The following PRICKLE2 variants were observed in gnomAD, a reference collection of about 807,000 sequenced individuals.
PRICKLE2 encodes the protein prickle planar cell polarity protein 2.
A neutral mutation model predicts 81.4 loss-of-function variants in PRICKLE2; 21 were observed. The ratio of observed to expected loss-of-function variants is 0.26; its 90% CI spans 0.18 to 0.37. PRICKLE2 has a LOEUF of 0.37. Among genes scored for constraint, PRICKLE2 ranks in the 10% least tolerant of loss-of-function variants. The pLI, the probability that PRICKLE2 is intolerant of heterozygous loss-of-function variation, is 1.00. For missense variants in PRICKLE2, 940 were observed against 1,109.0 expected (o/e 0.85, Z 2.16); for synonymous variants, 456 against 421.5 (o/e 1.08, Z -1.00).
At chr3:64,214,268 C>T (rs2078837434) in intron 1 of PRICKLE2, among the ~76,000 whole-genome samples, 1 of 152,170 alleles carries the variant, frequency 6.6e-6, no homozygotes, top group Non-Finnish European at 1.5e-5. Flanking sequence ...CCATGTTGCT[C>T]AGCAAAGGAG....
chr3:64,124,977 A>C (rs931088271), intron 7 of PRICKLE2, among the ~76,000 whole-genome samples: 1 of 152,198 alleles, frequency 6.6e-6, no homozygotes, highest in Non-Finnish European at 1.5e-5. Context: ...ATCTGGGCAA[A>C]ATAAACTGAA....
Position 64,225,409 on chromosome 3 carries a change from A to G in PRICKLE2, c.-540T>C. 1.0e-6 allele frequency: 1 copy of G among 985,388 alleles called. No individual in the cohort carries two copies. The highest frequency in any genetic ancestry group is 1.2e-6 in the Non-Finnish European group (1 of 829,974). 61.0% of individuals were successfully genotyped at this position (985,388 alleles called of 1,614,324 possible). Reference sequence around the variant, plus strand: ...CCAGGAAATGTGCTGCTTGGTCAAAAAATAATAATAACTCTCGGTGGCGCT... The same window carrying G: ...CCAGGAAATGTGCTGCTTGGTCAAAGAATAATAATAACTCTCGGTGGCGCT... On this transcript the variant is annotated 5_prime_UTR_variant, in exon 1 of 8. Coordinates refer to ENST00000638394, the MANE Select transcript of PRICKLE2 (RefSeq NM_198859.4).
Position 64,141,848 on chromosome 3 carries a change from T to C in PRICKLE2, c.1660+4982A>G, listed in dbSNP as rs2077367333. On this transcript the variant is annotated intron_variant, in intron 7 of 7. Coordinates refer to ENST00000638394, the MANE Select transcript of PRICKLE2 (RefSeq NM_198859.4). ...ATTCAATAACATAAGTTACTGACCA[T>C]GGAAGAAAAAAGAATCCATCATCTT... 4 of 985,072 alleles carry C rather than the reference T, an allele frequency of 4.1e-6. No homozygotes were observed. In the Admixed American group the frequency reaches 1.8e-4, roughly 45 times the overall value. The allele number at this position is 985,072 out of a possible 1,614,324, so 61.0% of individuals were successfully genotyped here.
intron 5 of PRICKLE2, 123 bp downstream of exon 5, chr3:64,157,039 G>A (rs1277903341): frequency 3.3e-6 from 3 of 900,018 alleles, no homozygotes; most frequent in Non-Finnish European, 5.5e-6. Context: ...TCCCAAAAGG[G>A]TTAATGCAAG....
intron 2 of PRICKLE2, among the ~76,000 whole-genome samples, chr3:64,176,925 T>C (rs1459935763): frequency 1.3e-5 from 2 of 152,106 alleles, no homozygotes; most frequent in Non-Finnish European, 1.5e-5. Context: ...GGTTATAGTT[T>C]GCGTATAGCC....
Position 64,163,059 on chromosome 3 carries a change from C to T in PRICKLE2, c.215G>A (p.Arg72Gln), listed in dbSNP as rs1559550002. 2 of 1,614,054 alleles carry T rather than the reference C, an allele frequency of 1.2e-6. No individual in the cohort carries two copies. Among genetic ancestry groups the T allele is most frequent in the Non-Finnish European group, 1.7e-6 (2 of 1,179,946 alleles). The change falls in exon 3 of 8, where the codon CGA becomes CAA. Residue 72 changes from arginine (R) to glutamine (Q), a missense_variant. This residue lies in a region of PRICKLE2 where 270 missense variants were observed against 391.8 expected (regional missense o/e 0.69). Coordinates refer to ENST00000638394, the MANE Select transcript of PRICKLE2 (RefSeq NM_198859.4). ...CAGCTGGTGTAGTAGCTGCTTGATT[C>T]GCAGTTTCTCTCCAGGACTGTTGAC... Reference protein sequence around the residue: ...PYVNSPGEKLRIKQLLHQLPP... With the variant: ...PYVNSPGEKLQIKQLLHQLPP...
chr3:64,236,560 G>A (rs1201897043), intron 2 of PRICKLE2, among the ~76,000 whole-genome samples: 4 of 152,158 alleles, frequency 2.6e-5, no homozygotes, highest in Non-Finnish European at 5.9e-5. Flanking sequence ...CCATTGAACT[G>A]GATCCTAGCT....
At chr3:64,237,029 A>C (rs1238218610) in intron 2 of PRICKLE2, among the ~76,000 whole-genome samples, 1 of 152,200 alleles carries the variant, frequency 6.6e-6, no homozygotes, top group East Asian at 1.9e-4. Context: ...TTCAGCCTAC[A>C]GCTCTCAACG....
chr3:64,129,244 G>C (rs1160243360), intron 7 of PRICKLE2, among the ~76,000 whole-genome samples: 1 of 152,226 alleles, frequency 6.6e-6, no homozygotes, highest in East Asian at 1.9e-4. Flanking sequence ...CTGTGATCCT[G>C]AACATGTTAC....
intron 7 of PRICKLE2, among the ~76,000 whole-genome samples, chr3:64,106,895 T>G (rs1271394959): frequency 6.6e-6 from 1 of 152,198 alleles, no homozygotes; most frequent in African/African-American, 2.4e-5. Flanking sequence ...CTCTGGAGGA[T>G]CTGGCAGAAG....
chr3:64,163,088 A>T lies in PRICKLE2; in HGVS notation c.186T>A (p.Pro62=). 2 of 1,613,912 alleles carry T rather than the reference A, an allele frequency of 1.2e-6. No homozygotes were observed. The highest frequency in any genetic ancestry group is 3.3e-5 in the Admixed American group (2 of 60,022). ...YYSCLPEEKV[P]YVNSPGEKLR... ...GTTTCTCTCCAGGACTGTTGACATA[A>T]GGGACTTTCTCTTCTGGGAGACAGC... The change falls in exon 3 of 8, where the codon CCT becomes CCA. Residue 62 remains proline (P), a synonymous_variant. Coordinates refer to ENST00000638394, the MANE Select transcript of PRICKLE2 (RefSeq NM_198859.4).
At chr3:64,112,718 T>C (rs704377) in intron 7 of PRICKLE2, among the ~76,000 whole-genome samples, 63,126 of 151,888 alleles carry the variant, frequency 0.42, 13,512 homozygotes, top group South Asian at 0.54. Flanking sequence ...ACAGAGTAAA[T>C]AGACAACCCA....
At chr3:64,250,377 C>A (rs138800990) in intron 2 of PRICKLE2, among the ~76,000 whole-genome samples, 1 of 152,142 alleles carries the variant, frequency 6.6e-6, no homozygotes, top group Non-Finnish European at 1.5e-5. Context: ...CAGACATTAC[C>A]AAATGTCTAG....
intron 2 of PRICKLE2, among the ~76,000 whole-genome samples, chr3:64,262,554 G>A (rs1385340180): frequency 6.6e-6 from 1 of 151,778 alleles, no homozygotes; most frequent in Non-Finnish European, 1.5e-5. Flanking sequence ...TGGGCTGGAT[G>A]GCGTCAACAA....
intron 2 of PRICKLE2, chr3:64,267,917 G>C (rs1456101528): frequency 6.6e-6 from 1 of 152,306 alleles, no homozygotes; most frequent in Non-Finnish European, 1.5e-5. Context: ...GCCTTGCATT[G>C]CTCCGACGCT....
At position 64,264,067 on chromosome 3, in the gene PRICKLE2, A is replaced by C. The variant is rs704414; in HGVS notation, c.129-65100T>G. On this transcript the variant is annotated intron_variant, in intron 2 of 8. Coordinates refer to the PRICKLE2 transcript ENST00000295902. ...GACCGCCCACCCCACCCCCCACTCCACAACCCGCCAACAATCCACCAAGAG... is the reference window on the plus strand; with the variant it reads ...GACCGCCCACCCCACCCCCCACTCCCCAACCCGCCAACAATCCACCAAGAG... Among the ~76,000 whole-genome samples the C allele has an allele frequency of 4.0e-5, 6 of 151,438 alleles. No individual in the cohort carries two copies. The South Asian group carries it at 6.4e-4, about 16-fold the overall frequency.
chr3:64,183,592 C>A (rs970617388), intron 2 of PRICKLE2, among the ~76,000 whole-genome samples: 1 of 151,898 alleles, frequency 6.6e-6, no homozygotes, highest in African/African-American at 2.4e-5. Context: ...ATTGATAGAC[C>A]AAAAAGGCAA....
At chr3:64,201,627 T>C (rs1325454076) in intron 1 of PRICKLE2, among the ~76,000 whole-genome samples, 4 of 152,220 alleles carry the variant, frequency 2.6e-5, no homozygotes, top group Non-Finnish European at 4.4e-5. Flanking sequence ...TCTTCACATA[T>C]TTTCTGGATA....
chr3:64,233,166 C>A (rs911061297), intron 2 of PRICKLE2, among the ~76,000 whole-genome samples: 2 of 152,194 alleles, frequency 1.3e-5, no homozygotes, highest in African/African-American at 2.4e-5. Flanking sequence ...GATCTAATAT[C>A]TTTCCTCCAC....
Sources: gnomAD v4.1 joint callset for allele counts (sites outside exome capture counted in the v4.1 genomes callset) on GRCh38, gnomAD v4.1.1 for gene constraint, gnomAD v4.1.1 regional missense constraint, MANE v1.5 for transcripts, NCBI Gene and HGNC (gene_info 2026-07-23, HGNC 2026-07-21) for gene names.